MAPK6: variants seen among roughly 807,000 people sequenced by gnomAD.
MAPK6 encodes the protein ERK-3.
A neutral mutation model predicts 59.3 loss-of-function variants in MAPK6; 19 were observed. That is an observed-to-expected ratio of 0.32 (90% CI 0.22 to 0.47). MAPK6 has a LOEUF of 0.47. Among genes scored for constraint, MAPK6 ranks in the 20% least tolerant of loss-of-function variants. The pLI is 1.00. For synonymous variants in MAPK6, 316 were observed against 290.3 expected, an observed-to-expected ratio of 1.09 and a Z score of -0.90; for missense variants, 724 against 847.9, an observed-to-expected ratio of 0.85 and a Z score of 1.81.
At chr15:51,997,833 C>A (rs2057229512) in intron 2 of MAPK6, among the ~76,000 whole-genome samples, 1 of 151,984 alleles carries the variant, frequency 6.6e-6, no homozygotes, top group Admixed American at 6.6e-5. Flanking sequence ...CTCTGGCGAT[C>A]CACCCACGTC....
At chr15:52,008,509 C>T (rs894255288) in intron 3 of MAPK6, among the ~76,000 whole-genome samples, 1 of 152,144 alleles carries the variant, frequency 6.6e-6, no homozygotes, top group Admixed American at 6.5e-5. Flanking sequence ...GCACATGGGT[C>T]ATGGAGAACA....
At chr15:52,001,148 T>C (rs563586885) in intron 2 of MAPK6, among the ~76,000 whole-genome samples, 2 of 152,312 alleles carry the variant, frequency 1.3e-5, no homozygotes, top group African/African-American at 4.8e-5. Context: ...TTTCATGCAG[T>C]GTTCAGCCTC....
At chr15:52,033,276 A>G (rs2141878922) in intron 1 of MAPK6, among the ~76,000 whole-genome samples, 1 of 152,290 alleles carries the variant, frequency 6.6e-6, no homozygotes, top group East Asian at 1.9e-4. Context: ...GGGTGTTGCC[A>G]GAGGAGACTG....
rs759245310 is a variant in MAPK6, at chr15:52,061,412, A to G, written c.979A>G (p.Ile327Val). The G allele has an allele frequency of 1.7e-5, 27 of 1,613,990 alleles. No individual in the cohort carries two copies. The highest frequency in any genetic ancestry group is 2.3e-5 in the Non-Finnish European group (27 of 1,179,880). Reference protein sequence around the residue: ...SIYSFPMDEPISSHPFHIEDE... With the variant: ...SIYSFPMDEPVSSHPFHIEDE... ...ATATTCTTTTCCAATGGATGAGCCA[A>G]TTTCAAGCCATCCTTTTCATATTGA... The change falls in exon 5 of 6, where the codon ATT (isoleucine) becomes GTT (valine). Residue 327 changes from isoleucine (I) to valine (V), a missense_variant. Ile to Val is a conservative substitution (Grantham distance 29, BLOSUM62 3). Coordinates refer to ENST00000261845, the MANE Select transcript of MAPK6 (RefSeq NM_002748.4).
Position 52,046,399 on chromosome 15 carries a change from G to C in MAPK6, c.-62G>C. 1 of 1,268,350 alleles carries C rather than the reference G, an allele frequency of 7.9e-7. No homozygotes were observed. The highest frequency in any genetic ancestry group is 1.1e-6 in the Non-Finnish European group (1 of 909,230). The allele number at this position is 1,268,350 out of a possible 1,614,324, so 78.6% of individuals were successfully genotyped here. On this transcript the variant is annotated 5_prime_UTR_variant, in exon 2 of 6. Coordinates refer to ENST00000261845, the MANE Select transcript of MAPK6 (RefSeq NM_002748.4). ...TGAAAGATCTTTCCTTTTGATGCCA[G>C]TTTTCTTCCTTGTTTACACAAGTTC...
chr15:51,998,668 GCGCCACCA>G (rs1197962072), intron 2 of MAPK6, among the ~76,000 whole-genome samples: 2 of 121,282 alleles, frequency 1.6e-5, no homozygotes, highest in Non-Finnish European at 3.5e-5. Context: ...TTACAGGCGT[GCGCCACCA>G]TGCCTGGTTA....
intron 3 of MAPK6, among the ~76,000 whole-genome samples, chr15:52,053,597 TGA>T: frequency 5.5e-4 from 1 of 1,814 alleles, no homozygotes; most frequent in Non-Finnish European, 2.2e-3. Flanking sequence ...CAAGATTGAT[TGA>T]TTGGTTGATT....
At chr15:52,049,109 A>G (rs988480725) in intron 2 of MAPK6, among the ~76,000 whole-genome samples, 4 of 152,220 alleles carry the variant, frequency 2.6e-5, no homozygotes, top group African/African-American at 9.6e-5. Flanking sequence ...GGATGAAATA[A>G]GGCAATATAT....
At chr15:52,034,468 C>T (rs1370541804) in intron 1 of MAPK6, among the ~76,000 whole-genome samples, 4 of 151,702 alleles carry the variant, frequency 2.6e-5, no homozygotes, top group Non-Finnish European at 4.4e-5. Context: ...TGCCACCATG[C>T]CTGGCTCATT....
At chr15:51,995,201 C>T (rs1171147934) in intron 2 of MAPK6, among the ~76,000 whole-genome samples, 1 of 152,220 alleles carries the variant, frequency 6.6e-6, no homozygotes, top group East Asian at 1.9e-4. Flanking sequence ...GAAGGCCCAG[C>T]AGCCTCAGCT....
chr15:52,005,629 A>G (rs1441350921), intron 3 of MAPK6, among the ~76,000 whole-genome samples: 1 of 152,120 alleles, frequency 6.6e-6, no homozygotes. Flanking sequence ...CCTTATTTAG[A>G]GTAGGTTAGC....
At chr15:52,012,132 T>G (rs1472153641) in intron 3 of MAPK6, among the ~76,000 whole-genome samples, 1 of 152,228 alleles carries the variant, frequency 6.6e-6, no homozygotes, top group Non-Finnish European at 1.5e-5. Context: ...CTCAGTGGTT[T>G]TAGATCTGAA....
chr15:52,034,680 C>T (rs998289223), intron 1 of MAPK6, among the ~76,000 whole-genome samples: 2 of 151,738 alleles, frequency 1.3e-5, no homozygotes, highest in African/African-American at 4.8e-5. Context: ...TCACTCTGTG[C>T]GTAGGTATTT....
chr15:51,985,907 G>A (rs995860691), intron 2 of MAPK6, among the ~76,000 whole-genome samples: 29 of 151,432 alleles, frequency 1.9e-4, no homozygotes, highest in Non-Finnish European at 2.5e-4. Context: ...GCAGTGAGCC[G>A]AGATCGCTCC....
intron 3 of MAPK6, among the ~76,000 whole-genome samples, chr15:52,055,594 A>C (rs2031947210): frequency 6.6e-6 from 1 of 151,938 alleles, no homozygotes; most frequent in Non-Finnish European, 1.5e-5. Context: ...CAGCTAACTG[A>C]AACCTCCTCC....
chr15:52,022,966 G>A (rs932785997), intron 1 of MAPK6, among the ~76,000 whole-genome samples: 1 of 151,990 alleles, frequency 6.6e-6, no homozygotes, highest in African/African-American at 2.4e-5. Flanking sequence ...AATTAGCTGG[G>A]TGTGGTGGCA....
chr15:51,975,038 G>A (rs910468164), intron 1 of MAPK6, among the ~76,000 whole-genome samples: 13 of 151,626 alleles, frequency 8.6e-5, no homozygotes, highest in African/African-American at 3.1e-4. Flanking sequence ...TCTATTAGGT[G>A]TGTGATTAAA....
At chr15:51,998,026 C>G (rs1306044263) in intron 2 of MAPK6, among the ~76,000 whole-genome samples, 1 of 151,974 alleles carries the variant, frequency 6.6e-6, no homozygotes. Flanking sequence ...TCACTGCAAC[C>G]TCTACCTCCC....
chr15:51,995,577 T>C (rs564749011), intron 2 of MAPK6, among the ~76,000 whole-genome samples: 2 of 152,292 alleles, frequency 1.3e-5, no homozygotes, highest in East Asian at 3.9e-4. Flanking sequence ...GGAAGACTTA[T>C]AGGACAAACT....
Sources: allele counts gnomAD v4.1 joint callset (sites outside exome capture counted in the v4.1 genomes callset), GRCh38; gene constraint gnomAD v4.1.1; transcripts MANE v1.5; gene names NCBI Gene and HGNC (gene_info 2026-07-23, HGNC 2026-07-21).